The following CMTM7 variants were observed in gnomAD, a reference collection of about 807,000 sequenced individuals.
CMTM7 encodes CKLF-like MARVEL transmembrane domain-containing protein 7.
In CMTM7, 7 loss-of-function variants were observed where a neutral mutation model predicts 19.3. The ratio of observed to expected loss-of-function variants is 0.36; its 90% CI spans 0.21 to 0.68. CMTM7 has a LOEUF of 0.68. Among genes scored for constraint, CMTM7 ranks in the 30% least tolerant of loss-of-function variants. CMTM7 has a pLI of 0.60. For missense variants in CMTM7, 193 were observed against 232.6 expected, an observed-to-expected ratio of 0.83 and a Z score of 1.11; for synonymous variants, 87 against 99.3, an observed-to-expected ratio of 0.88 and a Z score of 0.74.
At chr3:32,410,886 T>C (rs1164828435) in intron 1 of CMTM7, among the ~76,000 whole-genome samples, 1 of 152,204 alleles carries the variant, frequency 6.6e-6, no homozygotes, top group African/African-American at 2.4e-5. Flanking sequence ...GGGTTTCTAA[T>C]TTAAAGCAAC....
At chr3:32,414,737 G>C (rs914505840) in intron 1 of CMTM7, among the ~76,000 whole-genome samples, 1 of 152,194 alleles carries the variant, frequency 6.6e-6, no homozygotes, top group Non-Finnish European at 1.5e-5. Context: ...GTGCTGCAGG[G>C]ACCCAGTGAG....
chr3:32,398,357 C>G (rs1022356012), intron 1 of CMTM7, among the ~76,000 whole-genome samples: 29 of 152,112 alleles, frequency 1.9e-4, no homozygotes, highest in Non-Finnish European at 2.4e-4. Context: ...TGATGGAAAT[C>G]TAAATATCTT....
At chr3:32,428,808 A>G (rs1696471694) in intron 1 of CMTM7, among the ~76,000 whole-genome samples, 1 of 152,110 alleles carries the variant, frequency 6.6e-6, no homozygotes, top group African/African-American at 2.4e-5. Context: ...CTTCACAGAG[A>G]CTTAGATGAG....
chr3:32,454,103 T>A, intron 4 of CMTM7, 138 bp from the exon 5 acceptor site: 1 of 926,270 alleles, frequency 1.1e-6, no homozygotes, highest in Non-Finnish European at 1.7e-6. Flanking sequence ...AAAAATGGAA[T>A]AATCTCAGTG....
intron 1 of CMTM7, among the ~76,000 whole-genome samples, chr3:32,425,077 C>A (rs1575117554): frequency 6.6e-6 from 1 of 152,294 alleles, no homozygotes; most frequent in East Asian, 1.9e-4. Context: ...GACTGAATCC[C>A]AGTTCTGTGT....
chr3:32,428,747 T>A (rs561543216), intron 1 of CMTM7, among the ~76,000 whole-genome samples: 4 of 152,376 alleles, frequency 2.6e-5, no homozygotes, highest in Middle Eastern at 6.8e-3. Flanking sequence ...GCAGCTTGGT[T>A]GTTTTTCCAG....
In CMTM7 at chr3:32,391,877, G is replaced by A. The variant is rs1048890290; in HGVS notation, c.-30G>A. On this transcript the variant is annotated 5_prime_UTR_variant, in exon 1 of 5. Transcript: ENST00000334983. Reference sequence around the variant, plus strand: ...TATCTGGCCCCTGGGCAGCTGCCCGGGGAGGCGGCCAGCGAGCTGGGGCCG... The same window carrying A: ...TATCTGGCCCCTGGGCAGCTGCCCGAGGAGGCGGCCAGCGAGCTGGGGCCG... The A allele has an allele frequency of 1.6e-5, 19 of 1,205,620 alleles. No homozygotes were observed. The African/African-American group carries it at 2.7e-4, about 17-fold the overall frequency. The allele number at this position is 1,205,620 out of a possible 1,614,324, so 74.7% of individuals were successfully genotyped here. A position where few individuals can be genotyped will look rare whatever the true frequency, so the allele number is the denominator to read the frequency against.
At chr3:32,416,782 G>A (rs1009289714) in intron 1 of CMTM7, among the ~76,000 whole-genome samples, 2 of 152,110 alleles carry the variant, frequency 1.3e-5, no homozygotes, top group South Asian at 2.1e-4. Flanking sequence ...CTGTGGTATT[G>A]CTTTAAGGTT....
chr3:32,421,849 T>C (rs1696348836), intron 1 of CMTM7, among the ~76,000 whole-genome samples: 2 of 152,228 alleles, frequency 1.3e-5, no homozygotes, highest in African/African-American at 4.8e-5. Context: ...ACTGGAGCAG[T>C]ACCAGGCTGT....
At chr3:32,396,464 G>A (rs966792299) in intron 1 of CMTM7, among the ~76,000 whole-genome samples, 16 of 152,074 alleles carry the variant, frequency 1.1e-4, no homozygotes, top group African/African-American at 3.1e-4. Context: ...CTGAGATTGC[G>A]TGACTGTACT....
Position 32,395,128 on chromosome 3 carries a change from C to T in CMTM7, c.159+3063C>T, listed in dbSNP as rs148827607. Among the ~76,000 whole-genome samples the T allele has an allele frequency of 4.4e-3, 667 of 152,050 alleles. 6 individuals are homozygous for T. Among genetic ancestry groups the T allele is most frequent in the African/African-American group, 0.015 (613 of 41,438 alleles). On this transcript the variant is annotated intron_variant, in intron 1 of 4. Transcript: ENST00000334983. Reference sequence around the variant, plus strand: ...CGGCGATTGTCCCACCTCAGCCTCCCGAGTAGCTGGGACTATAGGCACCCA... The same window carrying T: ...CGGCGATTGTCCCACCTCAGCCTCCTGAGTAGCTGGGACTATAGGCACCCA...
chr3:32,402,136 A>G (rs1696017576), intron 1 of CMTM7, among the ~76,000 whole-genome samples: 1 of 152,120 alleles, frequency 6.6e-6, no homozygotes, highest in Non-Finnish European at 1.5e-5. Context: ...GAGTCTAAAA[A>G]GTCTTCAGTC....
intron 1 of CMTM7, among the ~76,000 whole-genome samples, chr3:32,421,818 C>T (rs960049841): frequency 3.9e-5 from 6 of 152,186 alleles, no homozygotes; most frequent in Non-Finnish European, 8.8e-5. Flanking sequence ...AGTTTTAATA[C>T]CTAACATTTG....
At chr3:32,400,812 C>G (rs765773241) in intron 1 of CMTM7, among the ~76,000 whole-genome samples, 3 of 152,168 alleles carry the variant, frequency 2.0e-5, no homozygotes, top group Admixed American at 6.5e-5. Context: ...CCATGGTACA[C>G]TGTGGCTCTG....
At chr3:32,404,197 G>A (rs1204030442) in intron 1 of CMTM7, among the ~76,000 whole-genome samples, 1 of 117,620 alleles carries the variant, frequency 8.5e-6, no homozygotes, top group Admixed American at 1.1e-4. Flanking sequence ...GTCTCACTCT[G>A]TTGCCTAGAC....
At chr3:32,428,520 G>A (rs1696467124) in intron 1 of CMTM7, among the ~76,000 whole-genome samples, 1 of 152,218 alleles carries the variant, frequency 6.6e-6, no homozygotes, top group Non-Finnish European at 1.5e-5. Context: ...CAGGAAAGAG[G>A]TTTAGAAAGG....
At chr3:32,429,234 T>A (rs899422765) in intron 1 of CMTM7, among the ~76,000 whole-genome samples, 10 of 151,922 alleles carry the variant, frequency 6.6e-5, no homozygotes, top group African/African-American at 2.2e-4. Context: ...AATCCTTTTT[T>A]CCCCCTCCCC....
Position 32,391,889 on chromosome 3 carries a change from G to A in CMTM7, c.-18G>A. ...GGGCAGCTGCCCGGGGAGGCGGCCA[G>A]CGAGCTGGGGCCGCGCAATGTCGCA... is the stretch of plus-strand genomic sequence containing the variant. On this transcript the variant is annotated 5_prime_UTR_variant, in exon 1 of 5. Coordinates refer to ENST00000334983, the MANE Select transcript of CMTM7 (RefSeq NM_138410.4). 4.1e-6 allele frequency: 5 copies of A among 1,207,042 alleles called. No individual in the cohort carries two copies. The highest frequency in any genetic ancestry group is 5.1e-6 in the Non-Finnish European group (5 of 972,120). 74.8% of individuals were successfully genotyped at this position (1,207,042 alleles called of 1,614,324 possible).
intron 1 of CMTM7, among the ~76,000 whole-genome samples, chr3:32,439,762 G>T (rs1696648455): frequency 6.6e-6 from 1 of 152,282 alleles, no homozygotes; most frequent in Admixed American, 6.5e-5. Context: ...CATGCACCAG[G>T]CCCCATTTTG....
Sources: allele counts gnomAD v4.1 joint callset (sites outside exome capture counted in the v4.1 genomes callset), GRCh38; gene constraint gnomAD v4.1.1; transcripts MANE v1.5; gene names NCBI Gene and HGNC (gene_info 2026-07-23, HGNC 2026-07-21).